The following MAP4K3 variants were observed in gnomAD, a reference collection of about 807,000 sequenced individuals.
MAP4K3 encodes mitogen-activated protein kinase kinase kinase kinase 3.
A neutral mutation model predicts 143.5 loss-of-function variants in MAP4K3; 94 were observed. The observed-to-expected ratio is 0.65, with a 90% CI of 0.55 to 0.78. The LOEUF (loss-of-function observed/expected upper bound fraction) is 0.78, where lower values mean the gene tolerates loss of function less well. Ranked by LOEUF, MAP4K3 falls within the 30% of genes least tolerant of loss-of-function variation. MAP4K3 has a pLI of 0.00. For missense variants in MAP4K3, 1,077 were observed against 1,068.1 expected (o/e 1.01, Z -0.12); for synonymous variants, 416 against 347.2 (o/e 1.20, Z -2.20).
chr2:39,429,354 A>C (rs1665209920), intron 1 of MAP4K3, among the ~76,000 whole-genome samples: 1 of 152,214 alleles, frequency 6.6e-6, no homozygotes, highest in Non-Finnish European at 1.5e-5. Flanking sequence ...ATATTCATAG[A>C]TCAGAAGACT....
chr2:39,401,060 G>A (rs1473252038), intron 1 of MAP4K3, among the ~76,000 whole-genome samples: 5 of 152,096 alleles, frequency 3.3e-5, no homozygotes, highest in Admixed American at 3.3e-4. Flanking sequence ...ATATTCTAGA[G>A]ACAGTTTCCA....
At chr2:39,299,113 A>C (rs1295845493) in intron 16 of MAP4K3, among the ~76,000 whole-genome samples, 1 of 152,174 alleles carries the variant, frequency 6.6e-6, no homozygotes, top group African/African-American at 2.4e-5. Flanking sequence ...TGAGACTCTA[A>C]GGGGAATAGC....
chr2:39,330,269 G>A (rs1683639325), intron 8 of MAP4K3, among the ~76,000 whole-genome samples: 1 of 152,000 alleles, frequency 6.6e-6, no homozygotes, highest in Admixed American at 6.6e-5. Flanking sequence ...AGGGGGAGGA[G>A]TTACATTCAA....
chr2:39,260,922 T>C (rs1680543369), intron 28 of MAP4K3, 145 bp from the exon 29 acceptor site: 1 of 592,336 alleles, frequency 1.7e-6, no homozygotes, highest in Admixed American at 3.2e-5. Context: ...AATTATGGAC[T>C]CTCTTTTATA....
intron 21 of MAP4K3, chr2:39,283,852 T>C (rs1192258093): frequency 6.6e-6 from 1 of 152,194 alleles, no homozygotes; most frequent in Non-Finnish European, 1.5e-5. Flanking sequence ...CTCAGTAACA[T>C]CATTTTAAGG....
intron 1 of MAP4K3, among the ~76,000 whole-genome samples, chr2:39,431,006 T>C (rs1381829816): frequency 6.6e-6 from 1 of 152,222 alleles, no homozygotes; most frequent in East Asian, 1.9e-4. Context: ...AAGAACCTAA[T>C]ATGGGTCAGC....
At chr2:39,342,788 AAT>A (rs777683233) in intron 4 of MAP4K3, among the ~76,000 whole-genome samples, 19 of 152,208 alleles carry the variant, frequency 1.2e-4, no homozygotes, top group Non-Finnish European at 2.8e-4. Flanking sequence ...TTTCTCAGAA[AAT>A]AGACATTAAA....
At chr2:39,333,961 TTGTGTGTGTGTGTGTGTG>T (rs60361690) in intron 6 of MAP4K3, among the ~76,000 whole-genome samples, 2 of 144,046 alleles carry the variant, frequency 1.4e-5, no homozygotes, top group African/African-American at 2.5e-5. Context: ...TTTCCCATTT[TTGTGTGTGTGTGTGTGTG>T]TGTGTGTGTG....
At chr2:39,289,557 G>A (rs1369318674) in intron 19 of MAP4K3, among the ~76,000 whole-genome samples, 1 of 151,860 alleles carries the variant, frequency 6.6e-6, no homozygotes, top group Non-Finnish European at 1.5e-5. Context: ...TTGTTAAAAA[G>A]CATTTAAAAA....
chr2:39,398,177 G>A (rs1268667262), intron 1 of MAP4K3, among the ~76,000 whole-genome samples: 1 of 152,078 alleles, frequency 6.6e-6, no homozygotes, highest in East Asian at 1.9e-4. Context: ...AAATACACAT[G>A]TACAAGCTTA....
intron 1 of MAP4K3, among the ~76,000 whole-genome samples, chr2:39,390,308 G>A (rs560417221): frequency 6.6e-5 from 10 of 151,984 alleles, no homozygotes; most frequent in African/African-American, 7.3e-5. Context: ...TGAGAAATAC[G>A]GTATACACCT....
chr2:39,267,231 C>A lies in MAP4K3; in HGVS notation c.1990G>T (p.Ala664Ser). ...RILPRKFSVS[A>S]KIPETKWCQK... ...CACCATTTGGTTTCAGGGATTTTTG[C>A]TGATACAGAAAATTTCCTAAATGTA... The change falls in exon 27 of 34, where the codon GCA (alanine) becomes TCA (serine). Residue 664 changes from alanine to serine, a missense_variant. Coordinates refer to ENST00000263881, the MANE Select transcript of MAP4K3 (RefSeq NM_003618.4). The A allele has an allele frequency of 6.2e-7, 1 of 1,613,836 alleles. No homozygotes were observed. The highest frequency in any genetic ancestry group is 8.5e-7 in the Non-Finnish European group (1 of 1,179,854).
chr2:39,377,986 A>T, intron 2 of MAP4K3, 80 bp downstream of exon 2: 1 of 859,038 alleles, frequency 1.2e-6, no homozygotes. Flanking sequence ...AGAGAATGTT[A>T]ACCAAACATC....
rs765561341 is a variant in MAP4K3, at chr2:39,272,513, A to G, written c.1824T>C (p.Tyr608=). The G allele has an allele frequency of 6.2e-7, 1 of 1,613,578 alleles. No homozygotes were observed. The highest frequency in any genetic ancestry group is 1.7e-5 in the Admixed American group (1 of 60,016). The part of the protein sequence containing the change: ...QLFPRRCTWL[Y]VMNNCLLSIS... Reference sequence around the variant, plus strand: ...TTGATAGCAAGCAATTGTTCATTACATACAACCATGTACACCTTCGAGGGA... The same window carrying G: ...TTGATAGCAAGCAATTGTTCATTACGTACAACCATGTACACCTTCGAGGGA... The change falls in exon 25 of 34, where the codon TAT becomes TAC. Residue 608 remains tyrosine (Y), a synonymous_variant. Transcript: ENST00000263881.
At chr2:39,272,634 A>G (rs1681077601) in intron 24 of MAP4K3, 92 bp from the exon 25 acceptor site, 4 of 946,246 alleles carry the variant, frequency 4.2e-6, no homozygotes, top group Admixed American at 4.4e-5. Context: ...TCTTATCTAC[A>G]GGTCAGTTCT....
intron 6 of MAP4K3, among the ~76,000 whole-genome samples, chr2:39,335,319 T>C (rs866085697): frequency 1.3e-5 from 2 of 152,034 alleles, no homozygotes; most frequent in Admixed American, 6.6e-5. Flanking sequence ...AATGGGAGCA[T>C]TGAGACCACT....
intron 16 of MAP4K3, chr2:39,293,887 C>T (rs1573107624): frequency 6.5e-6 from 1 of 152,790 alleles, no homozygotes; most frequent in Middle Eastern, 3.4e-3. Flanking sequence ...CACATTTACA[C>T]TTTTGGGAGA....
At chr2:39,336,724 A>G (rs537600354) in intron 6 of MAP4K3, among the ~76,000 whole-genome samples, 196 bp downstream of exon 6, 1 of 152,196 alleles carries the variant, frequency 6.6e-6, no homozygotes, top group South Asian at 2.1e-4. Context: ...ATACTTTAAA[A>G]GGGTGAATTT....
intron 1 of MAP4K3, among the ~76,000 whole-genome samples, chr2:39,392,326 T>G (rs1362285471): frequency 6.6e-6 from 1 of 152,198 alleles, no homozygotes; most frequent in Non-Finnish European, 1.5e-5. Context: ...TGCATATTTT[T>G]TAATTCAAAA....
Sources: allele counts gnomAD v4.1 joint callset (sites outside exome capture counted in the v4.1 genomes callset), GRCh38; gene constraint gnomAD v4.1.1; transcripts MANE v1.5; gene names NCBI Gene and HGNC (gene_info 2026-07-23, HGNC 2026-07-21).